CIT: variants seen among roughly 807,000 people sequenced by gnomAD.
CIT encodes citron Rho-interacting kinase.
CIT carries 79 observed loss-of-function variants against 272.7 expected under a neutral mutation model. The ratio of observed to expected loss-of-function variants is 0.29; its 90% CI spans 0.24 to 0.35. The LOEUF (loss-of-function observed/expected upper bound fraction) is 0.35, where lower values mean the gene tolerates loss of function less well. Ranked by LOEUF, CIT falls within the 10% of genes least tolerant of loss-of-function variation. The pLI is 1.00. For synonymous variants in CIT, 948 were observed against 995.6 expected (o/e 0.95, Z 0.90); for missense variants, 1,909 against 2,618.3 (o/e 0.73, Z 5.91).
chr12:119,757,530 C>T lies in CIT; in HGVS notation c.2547G>A (p.Glu849=), dbSNP rs1367825309. ...TCTGTTGCCTGAGTTCAGAAATCATCTCTTCTTGGGCCTTCCTGGTGGGGG... is the reference window on the plus strand; with the variant it reads ...TCTGTTGCCTGAGTTCAGAAATCATTTCTTCTTGGGCCTTCCTGGTGGGGG... ...FTQRNMKAQE[E]MISELRQQKF... Residue 849 remains glutamate (E), a synonymous_variant, in exon 22 of 48, where the codon GAG becomes GAA. Transcript: ENST00000392521. 1 of 1,611,264 alleles carries T rather than the reference C, an allele frequency of 6.2e-7. No individual in the cohort carries two copies. Among genetic ancestry groups the T allele is most frequent in the Non-Finnish European group, 8.5e-7 (1 of 1,178,736 alleles).
chr12:119,735,243 C>G lies in CIT; in HGVS notation c.3073G>C (p.Glu1025Gln), dbSNP rs760104036. Residue 1025 changes from glutamate to glutamine, a missense_variant, in exon 25 of 48, where the codon GAG becomes CAG. This residue lies in a region of CIT where 530 missense variants were observed against 822.4 expected (regional missense o/e 0.64). Transcript: ENST00000392521. ...ACTTCACTTCGCAGTTGTACAATCT[C>G]GTCGTTGGCGCCAGAAGCCTCATCG... is the stretch of plus-strand genomic sequence containing the variant. Reference protein sequence around the residue: ...QLDEASGANDEIVQLRSEVDH... With the variant: ...QLDEASGANDQIVQLRSEVDH... 6.2e-7 allele frequency: 1 copy of G among 1,614,168 alleles called. No individual in the cohort carries two copies. Among genetic ancestry groups the G allele is most frequent in the South Asian group, 1.1e-5 (1 of 91,082 alleles).
chr12:119,691,281 TAGG>T (rs1315534737), intron 46 of CIT, among the ~76,000 whole-genome samples: 1 of 151,168 alleles, frequency 6.6e-6, no homozygotes, highest in Non-Finnish European at 1.5e-5. Context: ...AGTCATCAAC[TAGG>T]AGGTCAGCCT....
chr12:119,817,053 C>G (rs1967252057), intron 9 of CIT, among the ~76,000 whole-genome samples: 1 of 152,212 alleles, frequency 6.6e-6, no homozygotes, highest in Non-Finnish European at 1.5e-5. Flanking sequence ...CTTCTCAACT[C>G]ATCTTGAGAT....
At chr12:119,745,676 C>T (rs1211922149) in intron 23 of CIT, among the ~76,000 whole-genome samples, 1 of 151,894 alleles carries the variant, frequency 6.6e-6, no homozygotes, top group Admixed American at 6.6e-5. Flanking sequence ...ATAACGTTCC[C>T]AACACAAAGA....
Position 119,767,151 on chromosome 12 carries a change from A to C in CIT, c.2240T>G (p.Val747Gly). Residue 747 changes from valine to glycine, a missense_variant, in exon 19 of 48, where the codon GTC becomes GGC. This residue lies in a region of CIT where 530 missense variants were observed against 822.4 expected (regional missense o/e 0.64). Transcript: ENST00000392521. ...GTGCACTTCTAGGTGCTGGGCTGAG[A>C]CTTGGGCCTCCCGATGTTTCTCTTC... ...ELEEKHREAQVSAQHLEVHLK... is the reference protein window; with the variant it reads ...ELEEKHREAQGSAQHLEVHLK... 6.2e-7 allele frequency: 1 copy of C among 1,610,556 alleles called. No homozygotes were observed. The highest frequency in any genetic ancestry group is 1.1e-5 in the South Asian group (1 of 89,934).
intron 7 of CIT, among the ~76,000 whole-genome samples, chr12:119,827,226 G>A (rs1313627816): frequency 6.6e-6 from 1 of 152,044 alleles, no homozygotes; most frequent in African/African-American, 2.4e-5. Flanking sequence ...TAGACAGAAG[G>A]GGAGACAAAG....
chr12:119,771,155 G>T (rs1472732018), intron 17 of CIT, among the ~76,000 whole-genome samples: 1 of 152,168 alleles, frequency 6.6e-6, no homozygotes, highest in African/African-American at 2.4e-5. Context: ...TGCCACCTAG[G>T]CATCACGGAA....
chr12:119,781,785 T>C (rs571744017), intron 13 of CIT, among the ~76,000 whole-genome samples: 7 of 152,230 alleles, frequency 4.6e-5, no homozygotes, highest in Non-Finnish European at 1.0e-4. Context: ...CCAGAATGGT[T>C]CAAATTTCTC....
At chr12:119,860,006 T>A (rs1262179698) in intron 3 of CIT, among the ~76,000 whole-genome samples, 2 of 152,006 alleles carry the variant, frequency 1.3e-5, no homozygotes, top group African/African-American at 2.4e-5. Flanking sequence ...TTTGTACAGG[T>A]AGGGTCTCAT....
intron 5 of CIT, among the ~76,000 whole-genome samples, chr12:119,837,522 AG>A (rs1365033327): frequency 6.6e-6 from 1 of 152,228 alleles, no homozygotes; most frequent in Non-Finnish European, 1.5e-5. Context: ...ACCAAAGAAC[AG>A]GGTCAGCAGA....
At chr12:119,863,846 G>GA (rs111497376) in intron 3 of CIT, among the ~76,000 whole-genome samples, 2,226 of 108,640 alleles carry the variant, frequency 0.02, 38 homozygotes, top group African/African-American at 0.059. Context: ...TTTAAACATA[G>GA]AAAAAAAAAA....
Position 119,712,055 on chromosome 12 carries a change from T to C in CIT, c.4854+123A>G. 1.1e-6 allele frequency: 1 copy of C among 929,652 alleles called. No homozygotes were observed. The highest frequency in any genetic ancestry group is 1.7e-5 in the South Asian group (1 of 60,404). 57.6% of individuals were successfully genotyped at this position (929,652 alleles called of 1,614,324 possible). ...CTGGCCATGACACAGTCTAGAGCCA[T>C]CAGCCCTCAGAGAGAGAGCCTGAGG... On this transcript the variant is annotated intron_variant, in intron 37 of 47. Coordinates refer to ENST00000392521, the MANE Select transcript of CIT (RefSeq NM_001206999.2). This position sits in a 1 kb window ranked among gnomAD's most constrained non-coding sequence, Gnocchi z 5.2.
At chr12:119,717,893 G>A (rs1192234220) in intron 32 of CIT, among the ~76,000 whole-genome samples, 3 of 122,510 alleles carry the variant, frequency 2.4e-5, no homozygotes, top group Admixed American at 1.1e-4. Flanking sequence ...CCAGGCTGGA[G>A]TGCAATGGCG....
intron 41 of CIT, among the ~76,000 whole-genome samples, chr12:119,703,884 A>C (rs1467210155): frequency 1.3e-5 from 2 of 152,210 alleles, no homozygotes; most frequent in African/African-American, 4.8e-5. Context: ...TCATCATCAC[A>C]GCTCACTCTG....
intron 13 of CIT, among the ~76,000 whole-genome samples, chr12:119,780,696 A>G (rs1566033640): frequency 6.6e-6 from 1 of 152,384 alleles, no homozygotes; most frequent in African/African-American, 2.4e-5. Flanking sequence ...GAAAAAATCA[A>G]TATGCCACAA....
intron 4 of CIT, 77 bp from the exon 5 acceptor site, chr12:119,850,352 G>T: frequency 4.3e-6 from 3 of 700,238 alleles, no homozygotes; most frequent in African/African-American, 2.0e-5. Flanking sequence ...CTGTCTTTAT[G>T]CCTAAACTGA....
At chr12:119,845,517 G>T (rs1161431458) in intron 5 of CIT, among the ~76,000 whole-genome samples, 1 of 151,750 alleles carries the variant, frequency 6.6e-6, no homozygotes, top group Non-Finnish European at 1.5e-5. Flanking sequence ...GCCGGACATG[G>T]TGGTGGGCAC....
intron 3 of CIT, among the ~76,000 whole-genome samples, chr12:119,867,092 G>A (rs1239260983): frequency 2.6e-5 from 4 of 152,146 alleles, no homozygotes; most frequent in African/African-American, 9.7e-5. Context: ...TTCCAGCCCA[G>A]GAGAGCCCCA....
intron 8 of CIT, among the ~76,000 whole-genome samples, chr12:119,823,204 A>C (rs1310467555): frequency 6.6e-6 from 1 of 151,742 alleles, no homozygotes; most frequent in Non-Finnish European, 1.5e-5. Flanking sequence ...CCATGGCTTG[A>C]CCCCGGCTCC....
Sources: allele counts gnomAD v4.1 joint callset (sites outside exome capture counted in the v4.1 genomes callset), GRCh38; gene constraint gnomAD v4.1.1; regional missense constraint gnomAD v4.1.1; non-coding constraint Gnocchi (gnomAD v3.1); transcripts MANE v1.5; gene names NCBI Gene and HGNC (gene_info 2026-07-23, HGNC 2026-07-21).